Variants in HUWE1 observed in about 807,000 individuals in gnomAD.
The protein encoded by HUWE1 is HECT, UBA and WWE domain containing E3 ubiquitin protein ligase 1, also known as E3 ubiquitin-protein ligase HUWE1.
HUWE1 carries 18 observed loss-of-function variants against 299.4 expected under a neutral mutation model. The observed-to-expected ratio is 0.06, with a 90% confidence interval of 0.04 to 0.09. The LOEUF is 0.09. HUWE1 is among the 10% of genes least tolerant of loss of function. The pLI, the probability that HUWE1 is intolerant of heterozygous loss-of-function variation, is 1.00. For missense variants in HUWE1, 1,832 were observed against 3,462.3 expected, an observed-to-expected ratio of 0.53 and a Z score of 11.82; for synonymous variants, 1,317 against 1,286.1, an observed-to-expected ratio of 1.02 and a Z score of -0.51.
chrX:53,661,545 T>C (rs1355643437), intron 3 of HUWE1, among the ~76,000 whole-genome samples: 1 of 111,629 alleles, frequency 9.0e-6, no homozygotes, highest in South Asian at 3.7e-4. Context: ...TCTTAGAAGT[T>C]AATCAGGTGA....
At chrX:53,678,104 C>T (rs1365870772) in intron 3 of HUWE1, among the ~76,000 whole-genome samples, 1 of 112,180 alleles carries the variant, frequency 8.9e-6, no homozygotes, top group Non-Finnish European at 1.9e-5. Flanking sequence ...TTAAAACATT[C>T]CAACTTTCTG....
At chrX:53,672,285 CAG>C (rs1296619320) in intron 3 of HUWE1, among the ~76,000 whole-genome samples, 1 of 99,816 alleles carries the variant, frequency 1.0e-5, no homozygotes, top group African/African-American at 3.7e-5. Context: ...TTTTTTGAGA[CAG>C]AGTCTCACTC....
In HUWE1 at chrX:53,596,424, T is replaced by C. The variant is rs1236133357; in HGVS notation, c.3164-1021A>G. On this transcript the variant is annotated intron_variant, in intron 29 of 83. Coordinates refer to ENST00000262854, the MANE Select transcript of HUWE1 (RefSeq NM_031407.7). ...TTTTATCATTTACTACCATAAAATA[T>C]ACACAAATTATAAAAATTTAATATT... is the stretch of plus-strand genomic sequence containing the variant. Among the ~76,000 whole-genome samples the C allele has an allele frequency of 7.1e-5, 8 of 112,532 alleles. 1 individual carries two copies. The highest frequency in any genetic ancestry group is 1.5e-4 in the Non-Finnish European group (8 of 53,340).
chrX:53,535,827 A>G, intron 80 of HUWE1: 1 of 380,288 alleles, frequency 2.6e-6, no homozygotes, highest in East Asian at 4.7e-5. Flanking sequence ...ATTTAGGAGA[A>G]GAGTAACCTT....
Position 53,600,146 on chromosome X carries a change from T to G in HUWE1, c.3135A>C (p.Arg1045Ser). The change falls in exon 29 of 84, where the codon AGA becomes AGC. Residue 1045 changes from arginine (R) to serine (S), a missense_variant. Transcript: ENST00000262854. ...KSKITPAMAARIKQIKPLLSA... is the reference protein window; with the variant it reads ...KSKITPAMAASIKQIKPLLSA... ...ATAACAAAGGCTTGATTTGCTTAAT[T>G]CTGGCAGCCATTGCTGGTGTGATTT... 8.3e-7 allele frequency: 1 copy of G among 1,211,725 alleles called. No homozygotes were observed. The highest frequency in any genetic ancestry group is 3.0e-5 in the East Asian group (1 of 33,856).
intron 2 of HUWE1, among the ~76,000 whole-genome samples, chrX:53,680,877 G>A (rs1357340258): frequency 9.1e-6 from 1 of 109,526 alleles, no homozygotes; most frequent in Admixed American, 9.8e-5. Flanking sequence ...CAATGAAAAT[G>A]GAAGAAAATT....
At chrX:53,552,180 G>A in intron 63 of HUWE1, 131 bp downstream of exon 63, 2 of 736,233 alleles carry the variant, frequency 2.7e-6, no homozygotes, top group South Asian at 4.7e-5. Context: ...CAGCACCCCC[G>A]CTTATTGTCA....
intron 42 of HUWE1, among the ~76,000 whole-genome samples, chrX:53,581,705 C>T (rs1556968013): frequency 9.0e-6 from 1 of 110,925 alleles, no homozygotes; most frequent in Non-Finnish European, 1.9e-5. Context: ...CCCTTTAGCA[C>T]ATTATACCCT....
intron 43 of HUWE1, 78 bp from the exon 44 acceptor site, chrX:53,577,145 G>C (rs1254061263): frequency 3.3e-5 from 25 of 751,459 alleles, no homozygotes; most frequent in Admixed American, 2.5e-4. Context: ...GACTCAGAAG[G>C]GGGCATGTAT....
chrX:53,549,242 T>A lies in HUWE1; in HGVS notation c.9752A>T (p.Lys3251Met). 8.3e-7 allele frequency: 1 copy of A among 1,211,674 alleles called. No individual in the cohort carries two copies. Among genetic ancestry groups the A allele is most frequent in the Non-Finnish European group, 1.1e-6 (1 of 895,456 alleles). The stretch of plus-strand genomic sequence containing the variant: ...ACAGCTCTTGCTCGACTTTTTGCCC[T>A]TTTCCTCACTTGTAGTGAGTTTGGG... ...ETPKLTTSEE[K>M]GKKSSKSCGS... Residue 3251 changes from lysine (K) to methionine (M), a missense_variant, in exon 67 of 84, where the codon AAG becomes ATG. By Grantham distance (95) the Lys-to-Met change is moderately conservative. Around this residue, in one of 15 missense-constraint regions of HUWE1, gnomAD observed 80 missense variants for 142.1 expected, o/e 0.56. Coordinates refer to ENST00000262854, the MANE Select transcript of HUWE1 (RefSeq NM_031407.7).
In HUWE1 at chrX:53,604,805, T is replaced by C. The variant is rs1289981526; in HGVS notation, c.2526A>G (p.Gln842=). 1 of 1,207,203 alleles carries C rather than the reference T, an allele frequency of 8.3e-7. No individual in the cohort carries two copies. The highest frequency in any genetic ancestry group is 1.7e-5 in the African/African-American group (1 of 57,241). The stretch of plus-strand genomic sequence containing the variant: ...TGGAGTCCAACTGAAGGAGACCCTC[T>C]TGAAGGACTTTGGGTTCATGTGACA... ...LTLSHEPKVL[Q]EGLLQLDSIL... Residue 842 remains glutamine, a synonymous_variant, in exon 26 of 84, where the codon CAA becomes CAG. Coordinates refer to ENST00000262854, the MANE Select transcript of HUWE1 (RefSeq NM_031407.7).
At chrX:53,616,942 T>C in intron 21 of HUWE1, 28 bp downstream of exon 21, 4 of 1,155,113 alleles carry the variant, frequency 3.5e-6, no homozygotes, top group Non-Finnish European at 3.5e-6. Context: ...ATCAATTTTC[T>C]ACTATAAAAT....
At chrX:53,632,939 G>A (rs1426561169) in intron 8 of HUWE1, among the ~76,000 whole-genome samples, 2 of 112,359 alleles carry the variant, frequency 1.8e-5, no homozygotes, top group Non-Finnish European at 3.8e-5. Context: ...CAAATACCAG[G>A]GCCCAGAAAC....
At position 53,560,337 on chromosome X, in the gene HUWE1, T is replaced by C; in HGVS notation, c.7587A>G (p.Thr2529=). 8.3e-7 allele frequency: 1 copy of C among 1,211,783 alleles called. No homozygotes were observed. Among genetic ancestry groups the C allele is most frequent in the Non-Finnish European group, 1.1e-6 (1 of 895,470 alleles). Residue 2529 remains threonine, a synonymous_variant, in exon 56 of 84, where the codon ACA becomes ACG. Coordinates refer to ENST00000262854, the MANE Select transcript of HUWE1 (RefSeq NM_031407.7). ...MVRHADHSSL[T]LGSGSSTTRL... is the part of the protein sequence containing the mutation. ...GAGTTGTTGAAGAGCCACTGCCCAGTGTCAGAGAACTGTGGTCTGCATGGC... is the reference window on the plus strand; with the variant it reads ...GAGTTGTTGAAGAGCCACTGCCCAGCGTCAGAGAACTGTGGTCTGCATGGC...
At chrX:53,597,855 C>T (rs1274189635) in intron 29 of HUWE1, among the ~76,000 whole-genome samples, 1 of 106,799 alleles carries the variant, frequency 9.4e-6, no homozygotes, top group Non-Finnish European at 1.9e-5. Flanking sequence ...GGGAACATCA[C>T]GAAAGTCTGG....
chrX:53,661,800 A>G (rs1052229715), intron 3 of HUWE1, among the ~76,000 whole-genome samples: 1 of 111,821 alleles, frequency 8.9e-6, no homozygotes, highest in Non-Finnish European at 1.9e-5. Flanking sequence ...CTTTTATCTA[A>G]TATTTTTTTT....
At chrX:53,629,477 T>C (rs782801910) in intron 13 of HUWE1, 39 bp downstream of exon 13, 129 of 899,031 alleles carry the variant, frequency 1.4e-4, no homozygotes, top group Non-Finnish European at 1.9e-4. Context: ...TGGTCCCAAG[T>C]GTTACAGCTA....
intron 19 of HUWE1, among the ~76,000 whole-genome samples, chrX:53,620,523 C>T (rs1557011424): frequency 8.9e-6 from 1 of 111,795 alleles, no homozygotes; most frequent in African/African-American, 3.3e-5. Flanking sequence ...GCTGGGATTA[C>T]AGGTGTGAGC....
intron 12 of HUWE1, among the ~76,000 whole-genome samples, chrX:53,630,533 A>C (rs2149049274): frequency 9.0e-6 from 1 of 111,247 alleles, no homozygotes; most frequent in African/African-American, 3.3e-5. Flanking sequence ...CAGTAAAAGA[A>C]GTTAAATGCA....
Sources: gnomAD v4.1 joint callset for allele counts (sites outside exome capture counted in the v4.1 genomes callset) on GRCh38, gnomAD v4.1.1 for gene constraint, gnomAD v4.1.1 regional missense constraint, MANE v1.5 for transcripts, NCBI Gene and HGNC (gene_info 2026-07-23, HGNC 2026-07-21) for gene names.